Variants in COL19A1 observed in about 807,000 individuals in gnomAD.
COL19A1 encodes the protein collagen alpha-1(XIX) chain.
Under a neutral mutation model 190.2 loss-of-function variants are expected in COL19A1, and 159 were observed. The observed-to-expected ratio is 0.84, with a 90% CI of 0.73 to 0.95. COL19A1 has a LOEUF of 0.95. Among genes scored for constraint, COL19A1 ranks in the 40% least tolerant of loss-of-function variants. The probability of loss-of-function intolerance (pLI) is 0.00; values close to 1 mark genes in which losing one functional copy is unlikely to be tolerated. For synonymous variants in COL19A1, 509 were observed against 458.9 expected (o/e 1.11, Z -1.39); for missense variants, 1,418 against 1,431.9 (o/e 0.99, Z 0.16).
rs61743753 is a variant in COL19A1 at position 70,163,373 on chromosome 6, C to G, written c.2377C>G (p.Pro793Ala). 3,992 of 1,612,180 alleles carry G rather than the reference C, an allele frequency of 2.5e-3. 64 individuals are homozygous for G. The African/African-American group carries it at 0.037, about 15-fold the overall frequency. ...AATGGGAAGAACTGGACATCCTGGT[C>G]CCACAGGAGCAAAAGGTGAAAAGGT... is the stretch of plus-strand genomic sequence containing the variant. ...GLMGRTGHPGPTGAKGEKGSD... is the reference protein window; with the variant it reads ...GLMGRTGHPGATGAKGEKGSD... Residue 793 changes from proline to alanine, a missense_variant, in exon 36 of 51, where the codon CCC (proline) becomes GCC (alanine). Coordinates refer to ENST00000620364, the MANE Select transcript of COL19A1 (RefSeq NM_001858.6).
intron 15 of COL19A1, 39 bp from the exon 16 acceptor site, chr6:70,102,130 A>G (rs1044705531): frequency 2.1e-6 from 3 of 1,462,078 alleles, no homozygotes; most frequent in African/African-American, 2.8e-5. Context: ...AATATAATGG[A>G]GTCACAGTAT....
In COL19A1 at chr6:70,207,210, G is replaced by A. The variant is rs373246651; in HGVS notation, c.3365G>A (p.Arg1122Lys). The change falls in exon 51 of 51, where the codon AGA becomes AAA. Residue 1122 changes from arginine to lysine, a missense_variant. Transcript: ENST00000620364. ...GPQGPPGPSG[R>K]CNPEDCLYPV... Reference sequence around the variant, plus strand: ...CAGGGCCCCCCAGGACCCAGTGGAAGATGTAACCCAGAAGATTGCCTCTAT... The same window carrying A: ...CAGGGCCCCCCAGGACCCAGTGGAAAATGTAACCCAGAAGATTGCCTCTAT... 66 of 1,613,898 alleles carry A rather than the reference G, an allele frequency of 4.1e-5. No individual in the cohort carries two copies. The highest frequency in any genetic ancestry group is 1.9e-4 in the South Asian group (17 of 91,074).
At position 69,985,056 on chromosome 6, in the gene COL19A1, T is replaced by C. The variant is rs527801381; in HGVS notation, c.1026+22186T>C. On this transcript the variant is annotated intron_variant, in intron 11 of 50. Coordinates refer to ENST00000620364, the MANE Select transcript of COL19A1 (RefSeq NM_001858.6). ...AAAATGTCTCCCTACCCACTTGTAGTTGGGATCAGAATACAAAGTACACCT... is the reference window on the plus strand; with the variant it reads ...AAAATGTCTCCCTACCCACTTGTAGCTGGGATCAGAATACAAAGTACACCT... 2.0e-3 allele frequency among the ~76,000 whole-genome samples: 298 copies of C among 152,266 alleles called. 1 individual carries two copies. Among genetic ancestry groups the C allele is most frequent in the Middle Eastern group, 3.4e-3 (1 of 294 alleles).
rs1367268469 is a variant in COL19A1, at chr6:69,948,264, A to G, written c.936+10164A>G. 7.9e-5 allele frequency among the ~76,000 whole-genome samples: 12 copies of G among 151,894 alleles called. 1 individual carries two copies. The highest frequency in any genetic ancestry group is 2.9e-5 in the Non-Finnish European group (2 of 67,866). On this transcript the variant is annotated intron_variant, in intron 9 of 50. Transcript: ENST00000620364. ...GCTATAAAATAGATTGTTTGACTTT[A>G]TTGTGGGATGTAACGTGAGACTTAC...
intron 11 of COL19A1, among the ~76,000 whole-genome samples, chr6:69,976,306 A>G (rs1293804750): frequency 6.6e-6 from 1 of 152,190 alleles, no homozygotes; most frequent in East Asian, 1.9e-4. Context: ...TTTATTTTCA[A>G]AGTAGTTTGA....
rs142710513 is a variant in COL19A1, at chr6:69,988,676, G to A, written c.1026+25806G>A. ...TGTTAAGAGACTGATAATACCGTTG[G>A]AGATTCAAAACAAACCTCTTCCCCT... On this transcript the variant is annotated intron_variant, in intron 11 of 50. Coordinates refer to ENST00000620364, the MANE Select transcript of COL19A1 (RefSeq NM_001858.6). Among the ~76,000 whole-genome samples, 1,059 of 152,186 alleles carry A rather than the reference G, an allele frequency of 7.0e-3. 14 individuals carry two copies. The highest frequency in any genetic ancestry group is 0.024 in the African/African-American group (990 of 41,530).
At position 70,153,769 on chromosome 6, in the gene COL19A1, T is replaced by TA. The variant is rs534052367; in HGVS notation, c.2079+2332dup. Reference sequence around the variant, plus strand: ...TTTCTTAAGTTCTCAAGTGTCTCTTTATCTTCATAGTTTTTCAGGTGTCAG... The same window carrying TA: ...TTTCTTAAGTTCTCAAGTGTCTCTTTAATCTTCATAGTTTTTCAGGTGTCAG... On this transcript the variant is annotated intron_variant, in intron 31 of 50. Transcript: ENST00000620364. 6.6e-5 allele frequency among the ~76,000 whole-genome samples: 10 copies of TA among 151,600 alleles called. No homozygotes were observed. The South Asian group carries it at 1.2e-3, about 19-fold the overall frequency.
intron 6 of COL19A1, among the ~76,000 whole-genome samples, chr6:69,930,535 C>T (rs902577362): frequency 4.6e-5 from 7 of 152,098 alleles, no homozygotes; most frequent in East Asian, 1.9e-4. Context: ...GAATTGATCC[C>T]GGGCTAGGCG....
At chr6:69,959,230 C>T (rs1774619621) in intron 9 of COL19A1, among the ~76,000 whole-genome samples, 1 of 152,126 alleles carries the variant, frequency 6.6e-6, no homozygotes. Flanking sequence ...AGACAGAAAC[C>T]AGATGAACAG....
intron 16 of COL19A1, among the ~76,000 whole-genome samples, chr6:70,116,611 A>G (rs1784592745): frequency 6.6e-6 from 1 of 152,120 alleles, no homozygotes; most frequent in African/African-American, 2.4e-5. Context: ...TTTTCATCTC[A>G]CCATTCCTAT....
At chr6:70,158,512 G>A (rs117199161) in intron 34 of COL19A1, among the ~76,000 whole-genome samples, 1 of 152,136 alleles carries the variant, frequency 6.6e-6, no homozygotes, top group East Asian at 1.9e-4. Context: ...CTGCTTGTTT[G>A]TTACTCTTAG....
chr6:70,055,080 C>T lies in COL19A1; in HGVS notation c.1171-13343C>T, dbSNP rs920646954. ...TTCCTCCAAATCAATTTTTTTAAATCCCAAGAAGAAAGAATAATATGGCTT... is the reference window on the plus strand; with the variant it reads ...TTCCTCCAAATCAATTTTTTTAAATTCCAAGAAGAAAGAATAATATGGCTT... On this transcript the variant is annotated intron_variant, in intron 14 of 50. Coordinates refer to ENST00000620364, the MANE Select transcript of COL19A1 (RefSeq NM_001858.6). Among the ~76,000 whole-genome samples the T allele has an allele frequency of 1.2e-4, 18 of 152,008 alleles. No homozygotes were observed. The South Asian group carries it at 3.5e-3, about 30-fold the overall frequency.
rs190939205 is a variant in COL19A1, at chr6:70,116,174, T to C, written c.1279-5706T>C. 1.9e-3 allele frequency among the ~76,000 whole-genome samples: 294 copies of C among 152,302 alleles called. 5 individuals carry two copies. The highest frequency in any genetic ancestry group is 6.2e-3 in the African/African-American group (259 of 41,560). ...ACTTAACTGGAGCTCACTATAACTA[T>C]GCTTTCAATTAACTAGCCACATTCT... On this transcript the variant is annotated intron_variant, in intron 16 of 50. Transcript: ENST00000620364.
chr6:70,146,768 A>G, intron 26 of COL19A1, 44 bp from the exon 27 acceptor site: 1 of 1,591,002 alleles, frequency 6.3e-7, no homozygotes, highest in Non-Finnish European at 8.5e-7. Context: ...AGAAAAATGT[A>G]TGTCTCTTGA....
At chr6:70,189,502 C>T (rs1766725383) in intron 47 of COL19A1, among the ~76,000 whole-genome samples, 1 of 152,110 alleles carries the variant, frequency 6.6e-6, no homozygotes, top group South Asian at 2.1e-4. Flanking sequence ...TTTAATGCCA[C>T]ACATATACCC....
intron 4 of COL19A1, among the ~76,000 whole-genome samples, chr6:69,919,491 T>C (rs1771554031): frequency 6.6e-6 from 1 of 152,178 alleles, no homozygotes; most frequent in East Asian, 1.9e-4. Context: ...CATGCCAAGA[T>C]CTTTTCTGTA....
At chr6:69,942,397 T>A (rs988835293) in intron 9 of COL19A1, among the ~76,000 whole-genome samples, 2 of 152,198 alleles carry the variant, frequency 1.3e-5, no homozygotes, top group Non-Finnish European at 2.9e-5. Flanking sequence ...TTTTCTCTTT[T>A]AGCTATTTGA....
At chr6:70,134,125 A>G (rs1218285908) in intron 18 of COL19A1, among the ~76,000 whole-genome samples, 4 of 152,214 alleles carry the variant, frequency 2.6e-5, no homozygotes, top group African/African-American at 9.7e-5. Flanking sequence ...ACACCTATAC[A>G]ATGGAAACTG....
intron 12 of COL19A1, among the ~76,000 whole-genome samples, chr6:70,026,231 G>A (rs1239763361): frequency 1.3e-5 from 2 of 152,088 alleles, no homozygotes; most frequent in Non-Finnish European, 2.9e-5. Context: ...AAGGTTTTTG[G>A]GCTTTTTAAT....
Sources: gnomAD v4.1 joint callset for allele counts (sites outside exome capture counted in the v4.1 genomes callset) on GRCh38, gnomAD v4.1.1 for gene constraint, MANE v1.5 for transcripts, NCBI Gene and HGNC (gene_info 2026-07-23, HGNC 2026-07-21) for gene names.